Variants in SHANK2 observed in about 807,000 individuals in gnomAD.
SHANK2 encodes SH3 and multiple ankyrin repeat domains 2.
A neutral mutation model predicts 133.7 loss-of-function variants in SHANK2; 43 were observed. That is an observed-to-expected ratio of 0.32 (90% CI 0.25 to 0.41). The LOEUF (loss-of-function observed/expected upper bound fraction) is 0.41, where lower values mean the gene tolerates loss of function less well. Ranked by LOEUF, SHANK2 falls within the 10% of genes least tolerant of loss-of-function variation. SHANK2 has a pLI of 1.00. For missense variants in SHANK2, 1,994 were observed against 2,235.8 expected (o/e 0.89, Z 2.18); for synonymous variants, 1,017 against 952.8 (o/e 1.07, Z -1.24).
intron 25 of SHANK2, among the ~76,000 whole-genome samples, chr11:70,478,359 C>T (rs782784598): frequency 3.0e-4 from 45 of 152,196 alleles, no homozygotes; most frequent in Admixed American, 1.5e-3. Flanking sequence ...TCTGTCCCTC[C>T]CATGAGCCGC....
intron 17 of SHANK2, among the ~76,000 whole-genome samples, chr11:70,628,378 C>T (rs570134042): frequency 2.6e-5 from 4 of 152,224 alleles, no homozygotes; most frequent in South Asian, 2.1e-4. Flanking sequence ...GCACCAAAGT[C>T]GGGGGCGGAG....
rs1950398766 is a variant in SHANK2 at position 70,924,458 on chromosome 11, T to TA, written c.1108-27892dup. Among the ~76,000 whole-genome samples the TA allele has an allele frequency of 2.0e-5, 3 of 151,892 alleles. 1 individual carries two copies. The South Asian group carries it at 6.2e-4, about 32-fold the overall frequency. Reference sequence around the variant, plus strand: ...GCCATGCCCTTGCCTGATACTTTTTTAAAAATTTTTATTTTTAAGACAAAG... The same window carrying TA: ...GCCATGCCCTTGCCTGATACTTTTTTAAAAAATTTTTATTTTTAAGACAAAG... On this transcript the variant is annotated intron_variant, in intron 10 of 25. Coordinates refer to ENST00000601538, the MANE Select transcript of SHANK2 (RefSeq NM_012309.5).
intron 3 of SHANK2, among the ~76,000 whole-genome samples, chr11:71,125,692 G>A (rs1363100608): frequency 1.3e-5 from 2 of 152,236 alleles, no homozygotes; most frequent in Non-Finnish European, 1.5e-5. Flanking sequence ...ATCTCGCTCA[G>A]ATCATTGATG....
chr11:70,819,851 C>T (rs1236833470), intron 12 of SHANK2, among the ~76,000 whole-genome samples: 5 of 152,166 alleles, frequency 3.3e-5, no homozygotes, highest in African/African-American at 1.2e-4. Flanking sequence ...GACGCCAGAG[C>T]CCTGAGCCGG....
At chr11:71,072,903 G>A (rs1040828428) in intron 9 of SHANK2, among the ~76,000 whole-genome samples, 4 of 152,070 alleles carry the variant, frequency 2.6e-5, no homozygotes, top group African/African-American at 9.7e-5. Flanking sequence ...GGAGAGGGGA[G>A]AGTTACATTT....
intron 17 of SHANK2, among the ~76,000 whole-genome samples, chr11:70,552,115 A>G (rs1295000677): frequency 1.3e-5 from 2 of 152,226 alleles, no homozygotes; most frequent in Admixed American, 1.3e-4. Flanking sequence ...GGTGATTCCC[A>G]GGAGGGCTGC....
intron 14 of SHANK2, among the ~76,000 whole-genome samples, chr11:70,793,230 T>C (rs1379434318): frequency 6.6e-6 from 1 of 152,190 alleles, no homozygotes; most frequent in Non-Finnish European, 1.5e-5. Context: ...TAAATATAGA[T>C]TGAAAACACA....
At chr11:71,131,140 C>T (rs1555103622) in intron 3 of SHANK2, among the ~76,000 whole-genome samples, 1 of 152,238 alleles carries the variant, frequency 6.6e-6, no homozygotes, top group African/African-American at 2.4e-5. Flanking sequence ...CAACAAATAA[C>T]CAACATCAAG....
chr11:70,592,459 G>C (rs1554988290), intron 17 of SHANK2, among the ~76,000 whole-genome samples: 1 of 152,130 alleles, frequency 6.6e-6, no homozygotes, highest in African/African-American at 2.4e-5. Flanking sequence ...AGCCAACACA[G>C]ACTCAAGCAG....
At chr11:71,086,937 G>A (rs1049816854) in intron 8 of SHANK2, among the ~76,000 whole-genome samples, 1 of 152,208 alleles carries the variant, frequency 6.6e-6, no homozygotes, top group Non-Finnish European at 1.5e-5. Context: ...GGGAGAAAAT[G>A]GCTTTCCGGG....
chr11:70,924,654 G>A (rs1456877994), intron 10 of SHANK2, among the ~76,000 whole-genome samples: 6 of 151,790 alleles, frequency 4.0e-5, no homozygotes, highest in South Asian at 2.1e-4. Context: ...ACAGCGTTTC[G>A]CCATGTTGGC....
At chr11:70,678,792 C>G (rs1272865849) in intron 15 of SHANK2, among the ~76,000 whole-genome samples, 1 of 152,128 alleles carries the variant, frequency 6.6e-6, no homozygotes, top group Non-Finnish European at 1.5e-5. Context: ...CCGCCCGCCT[C>G]GGCCTCCTGA....
chr11:71,203,112 G>C (rs1954052153), intron 2 of SHANK2, among the ~76,000 whole-genome samples: 1 of 152,182 alleles, frequency 6.6e-6, no homozygotes, highest in Non-Finnish European at 1.5e-5. Flanking sequence ...CACCTGCAAG[G>C]GTGGGTCAGC....
At chr11:71,109,634 C>A (rs539554844) in intron 6 of SHANK2, among the ~76,000 whole-genome samples, 2 of 152,212 alleles carry the variant, frequency 1.3e-5, no homozygotes, top group African/African-American at 4.8e-5. Context: ...GATCTGTGTG[C>A]CCAAGGCTGG....
chr11:70,684,103 T>C (rs1555018971), intron 15 of SHANK2, among the ~76,000 whole-genome samples: 1 of 152,106 alleles, frequency 6.6e-6, no homozygotes, highest in East Asian at 1.9e-4. Flanking sequence ...TAGTTTTGAA[T>C]AAATGAATGA....
chr11:71,070,430 G>A (rs908978275), intron 9 of SHANK2, among the ~76,000 whole-genome samples: 75 of 152,348 alleles, frequency 4.9e-4, no homozygotes, highest in Non-Finnish European at 9.4e-4. Flanking sequence ...CAAAACCAGG[G>A]GAGCCAGCTA....
At chr11:70,679,695 G>T (rs1176023722) in intron 15 of SHANK2, among the ~76,000 whole-genome samples, 1 of 152,248 alleles carries the variant, frequency 6.6e-6, no homozygotes, top group Non-Finnish European at 1.5e-5. Context: ...ACGCCCCAGG[G>T]CCTGGAACGG....
Position 70,487,795 on chromosome 11 carries a change from C to T in SHANK2, c.2573-75G>A. The T allele has an allele frequency of 6.5e-7, 1 of 1,549,192 alleles. No individual in the cohort carries two copies. The highest frequency in any genetic ancestry group is 2.4e-5 in the East Asian group (1 of 40,898). On this transcript the variant is annotated intron_variant, in intron 24 of 25. Transcript: ENST00000601538. This position sits in a 1 kb window ranked among gnomAD's most constrained non-coding sequence, Gnocchi z 5.8. ...TAAGTTCCTAGGAACGTGCGATACG[C>T]TACATCTCCACAAACTCACAAATTC...
chr11:70,752,660 C>T (rs1289128388), intron 14 of SHANK2, among the ~76,000 whole-genome samples: 4 of 148,016 alleles, frequency 2.7e-5, no homozygotes, highest in South Asian at 2.1e-4. Flanking sequence ...GAGCCGAAAT[C>T]GCGCCACTGC....
Sources: allele counts gnomAD v4.1 joint callset (sites outside exome capture counted in the v4.1 genomes callset), GRCh38; gene constraint gnomAD v4.1.1; non-coding constraint Gnocchi (gnomAD v3.1); transcripts MANE v1.5; gene names NCBI Gene and HGNC (gene_info 2026-07-23, HGNC 2026-07-21).